The following NPLOC4 variants were observed in gnomAD, a reference collection of about 807,000 sequenced individuals.
The protein encoded by NPLOC4 is nuclear protein localization protein 4 homolog.
Under a neutral mutation model 80.6 loss-of-function variants are expected in NPLOC4, and 18 were observed. The ratio of observed to expected loss-of-function variants is 0.22; its 90% CI spans 0.15 to 0.33. The LOEUF (loss-of-function observed/expected upper bound fraction) is 0.33. Ranked by LOEUF, NPLOC4 falls within the 10% of genes least tolerant of loss-of-function variation. The pLI is 1.00. For synonymous variants in NPLOC4, 313 were observed against 301.5 expected, an observed-to-expected ratio of 1.04 and a Z score of -0.39; for missense variants, 540 against 786.1, an observed-to-expected ratio of 0.69 and a Z score of 3.74.
At chr17:81,562,333 G>GT (rs1174592604) in intron 16 of NPLOC4, 1 of 152,226 alleles carries the variant, frequency 6.6e-6, no homozygotes, top group African/African-American at 2.4e-5. Context: ...GAGGTCAGGA[G>GT]TTTGAGACCA....
chr17:81,617,663 C>CCCCCTCCCCCCCCCCCCCCCCCCCCCT (rs199493378), intron 3 of NPLOC4, among the ~76,000 whole-genome samples: 1 of 134,134 alleles, frequency 7.5e-6, no homozygotes, highest in African/African-American at 2.9e-5. Flanking sequence ...CAAAAAATGC[C>CCCCCTCCCCCCCCCCCCCCCCCCCCCT]CCCCCTCCCC....
intron 4 of NPLOC4, chr17:81,612,802 T>G (rs2035378149): frequency 6.6e-6 from 1 of 152,624 alleles, no homozygotes; most frequent in Admixed American, 6.5e-5. Flanking sequence ...GCACAGCATC[T>G]TCTGCAAGTG....
intron 8 of NPLOC4, among the ~76,000 whole-genome samples, chr17:81,602,077 C>T (rs752866713): frequency 1.3e-5 from 2 of 152,042 alleles, no homozygotes; most frequent in Non-Finnish European, 2.9e-5. Flanking sequence ...TGCGTGCATG[C>T]ATGCGTGTGT....
rs2035693485 is a variant in NPLOC4, at chr17:81,622,420, C to T, written c.97-142G>A. 1.7e-5 allele frequency: 12 copies of T among 689,792 alleles called. No homozygotes were observed. The South Asian group carries it at 2.0e-4, about 11-fold the overall frequency. The allele number at this position is 689,792 out of a possible 1,614,324, so 42.7% of individuals were successfully genotyped here. ...TTACCAAATTCCTCTTGCTATTTTG[C>T]TCTTTTAAAGAAATTTGTACTGTTC... On this transcript the variant is annotated intron_variant, in intron 2 of 16. Coordinates refer to ENST00000331134, the MANE Select transcript of NPLOC4 (RefSeq NM_017921.4).
At chr17:81,563,796 T>C (rs1389696488) in intron 16 of NPLOC4, 1 of 365,528 alleles carries the variant, frequency 2.7e-6, no homozygotes, top group Non-Finnish European at 5.4e-6. Context: ...AATGAAATCA[T>C]GTCCTTTGCA....
chr17:81,631,083 G>A (rs1167660993), intron 1 of NPLOC4, among the ~76,000 whole-genome samples: 2 of 152,010 alleles, frequency 1.3e-5, no homozygotes, highest in Non-Finnish European at 2.9e-5. Flanking sequence ...TGAGGCAGGA[G>A]AATCGCTTGA....
At position 81,597,017 on chromosome 17, in the gene NPLOC4, G is replaced by C. The variant is rs534163219; in HGVS notation, c.993+228C>G. On this transcript the variant is annotated intron_variant, in intron 10 of 16. Coordinates refer to ENST00000331134, the MANE Select transcript of NPLOC4 (RefSeq NM_017921.4). ...AGTCCCAGCTTCTCCTGAGGCTGAG[G>C]CAGGAGAATGGCGTGAACCCGGGAG... Among the ~76,000 whole-genome samples, 10 of 152,314 alleles carry C rather than the reference G, an allele frequency of 6.6e-5. No homozygotes were observed. In the South Asian group the frequency reaches 1.9e-3, roughly 28 times the overall value.
At chr17:81,625,233 TG>T (rs1404620758) in intron 2 of NPLOC4, among the ~76,000 whole-genome samples, 1 of 152,120 alleles carries the variant, frequency 6.6e-6, no homozygotes, top group Admixed American at 6.6e-5. Context: ...AGGTAACACC[TG>T]TGCAGGGACC....
In NPLOC4 at chr17:81,608,860, G is replaced by A. The variant is rs779858943; in HGVS notation, c.436-38C>T. 36 of 1,502,786 alleles carry A rather than the reference G, an allele frequency of 2.4e-5. 1 individual carries two copies. In the South Asian group the frequency reaches 3.6e-4, roughly 15 times the overall value. The allele number at this position is 1,502,786 out of a possible 1,614,324, so 93.1% of individuals were successfully genotyped here. ...AGAGTAAGCGAGTGCAGTCTCACAC[G>A]TGCCGGTCACTCCAGGCGCTGAGCC... On this transcript the variant is annotated intron_variant, in intron 5 of 16. Transcript: ENST00000331134.
chr17:81,596,600 TA>T (rs1345431997), intron 10 of NPLOC4, among the ~76,000 whole-genome samples: 1 of 152,114 alleles, frequency 6.6e-6, no homozygotes, highest in Non-Finnish European at 1.5e-5. Context: ...AACCAAACTA[TA>T]AAACTCAAAA....
intron 13 of NPLOC4, among the ~76,000 whole-genome samples, chr17:81,571,070 A>G (rs777345020): frequency 4.0e-4 from 61 of 152,128 alleles, no homozygotes; most frequent in Non-Finnish European, 7.5e-4. Flanking sequence ...TAGGTAGTCT[A>G]AAAACCAGAT....
chr17:81,616,783 A>G (rs1461865730), intron 3 of NPLOC4, among the ~76,000 whole-genome samples: 1 of 152,188 alleles, frequency 6.6e-6, no homozygotes, highest in African/African-American at 2.4e-5. Context: ...GGGCAGAGAC[A>G]TAATTAACAG....
intron 16 of NPLOC4, chr17:81,564,129 C>T (rs929195029): frequency 1.1e-5 from 3 of 284,356 alleles, no homozygotes; most frequent in African/African-American, 4.8e-5. Flanking sequence ...AAGAGCAGGG[C>T]GGGCTGAAAA....
rs2034661106 is a variant in NPLOC4, at chr17:81,588,934, A to G, written c.1281+10T>C. 1 of 1,608,360 alleles carries G rather than the reference A, an allele frequency of 6.2e-7. No homozygotes were observed. ...CATGTACAGAGTTCTTTTTCTTACCATACTTTTACCTTATAAAACACATCA... is the reference window on the plus strand; with the variant it reads ...CATGTACAGAGTTCTTTTTCTTACCGTACTTTTACCTTATAAAACACATCA... On this transcript the variant is annotated intron_variant, in intron 12 of 16. Transcript: ENST00000331134.
chr17:81,567,345 A>C lies in NPLOC4; in HGVS notation c.1566+72T>G. On this transcript the variant is annotated intron_variant, in intron 15 of 16. Coordinates refer to ENST00000331134, the MANE Select transcript of NPLOC4 (RefSeq NM_017921.4). The surrounding 1 kb of genome is among the most constrained non-coding windows in gnomAD (Gnocchi z 4.5). Reference sequence around the variant, plus strand: ...ATCATGCTCTGGTCTGGGAGGAAAGAAAGCAAGACACAGGCGTCTCTTTGC... The same window carrying C: ...ATCATGCTCTGGTCTGGGAGGAAAGCAAGCAAGACACAGGCGTCTCTTTGC... 1 of 916,452 alleles carries C rather than the reference A, an allele frequency of 1.1e-6. No homozygotes were observed. Among genetic ancestry groups the C allele is most frequent in the South Asian group, 1.4e-5 (1 of 69,920 alleles). The allele number at this position is 916,452 out of a possible 1,614,324, so 56.8% of individuals were successfully genotyped here.
At chr17:81,559,511 T>C (rs1598609375) in intron 16 of NPLOC4, 95 bp from the exon 17 acceptor site, 2 of 1,374,696 alleles carry the variant, frequency 1.5e-6, no homozygotes, top group Admixed American at 4.7e-5. Flanking sequence ...AGCTGAGAGC[T>C]CCCCGCCCCC....
At chr17:81,582,663 A>G (rs1416225029) in intron 12 of NPLOC4, among the ~76,000 whole-genome samples, 3 of 152,204 alleles carry the variant, frequency 2.0e-5, no homozygotes, top group East Asian at 3.8e-4. Flanking sequence ...TTGGCCTTCC[A>G]AAGTGCTGGG....
At chr17:81,634,927 T>C (rs577269388) in intron 1 of NPLOC4, among the ~76,000 whole-genome samples, 1 of 152,228 alleles carries the variant, frequency 6.6e-6, no homozygotes, top group South Asian at 2.1e-4. Context: ...CCGGGCATGG[T>C]AGCTCAGGAC....
chr17:81,559,172 G>A lies in NPLOC4; in HGVS notation c.*87C>T. The A allele has an allele frequency of 2.1e-6, 3 of 1,410,588 alleles. No homozygotes were observed. Among genetic ancestry groups the A allele is most frequent in the Non-Finnish European group, 2.8e-6 (3 of 1,056,088 alleles). The allele number at this position is 1,410,588 out of a possible 1,614,324, so 87.4% of individuals were successfully genotyped here. ...TTCCTCCAGGGCTGCCCACTATGGG[G>A]CAGTTACAGGGAACACACTCAGCAA... On this transcript the variant is annotated 3_prime_UTR_variant, in exon 17 of 17. Transcript: ENST00000331134.
Sources: gnomAD v4.1 joint callset for allele counts (sites outside exome capture counted in the v4.1 genomes callset) on GRCh38, gnomAD v4.1.1 for gene constraint, Gnocchi (gnomAD v3.1) non-coding constraint, MANE v1.5 for transcripts, NCBI Gene and HGNC (gene_info 2026-07-23, HGNC 2026-07-21) for gene names.